The following GABRB1 variants were observed in gnomAD, a reference collection of about 807,000 sequenced individuals.
The protein encoded by GABRB1 is gamma-aminobutyric acid receptor subunit beta-1.
GABRB1 carries 17 observed loss-of-function variants against 51.6 expected under a neutral mutation model. The observed-to-expected ratio is 0.33, with a 90% CI of 0.23 to 0.49. The LOEUF is 0.49. Among genes scored for constraint, GABRB1 ranks in the 20% least tolerant of loss-of-function variants. The pLI, the probability that GABRB1 is intolerant of heterozygous loss-of-function variation, is 0.99. For synonymous variants in GABRB1, 247 were observed against 218.9 expected (o/e 1.13, Z -1.14); for missense variants, 410 against 600.6 (o/e 0.68, Z 3.32).
At chr4:47,327,012 G>T (rs772004341) in intron 5 of GABRB1, among the ~76,000 whole-genome samples, 1 of 152,160 alleles carries the variant, frequency 6.6e-6, no homozygotes, top group Non-Finnish European at 1.5e-5. Flanking sequence ...TGTAGTGAAT[G>T]TATGCTAAAT....
At chr4:47,383,628 G>C (rs1003201061) in intron 5 of GABRB1, among the ~76,000 whole-genome samples, 1 of 152,016 alleles carries the variant, frequency 6.6e-6, no homozygotes, top group Admixed American at 6.5e-5. Flanking sequence ...GTGAAGAATG[G>C]GTTCATATCA....
intron 1 of GABRB1, among the ~76,000 whole-genome samples, chr4:47,026,094 C>G (rs1725082967): frequency 6.6e-6 from 1 of 151,960 alleles, no homozygotes; most frequent in African/African-American, 2.4e-5. Context: ...GTGGGAGGAT[C>G]TCTTGAATTC....
chr4:47,286,426 T>C (rs1041616217), intron 4 of GABRB1, among the ~76,000 whole-genome samples: 5 of 152,162 alleles, frequency 3.3e-5, no homozygotes, highest in Non-Finnish European at 5.9e-5. Flanking sequence ...TGACTCTCCA[T>C]TGTCTGCAGG....
At chr4:47,164,674 G>A (rs765314353) in intron 4 of GABRB1, among the ~76,000 whole-genome samples, 1 of 151,964 alleles carries the variant, frequency 6.6e-6, no homozygotes, top group East Asian at 1.9e-4. Flanking sequence ...ATTCAAACTC[G>A]GTAAGCTCAA....
chr4:46,995,903 G>T (rs1206854424), intron 1 of GABRB1, among the ~76,000 whole-genome samples: 1 of 151,936 alleles, frequency 6.6e-6, no homozygotes, highest in African/African-American at 2.4e-5. Context: ...TTTGTTAATT[G>T]GGTTATAGTA....
At chr4:47,129,080 G>A (rs558345382) in intron 3 of GABRB1, among the ~76,000 whole-genome samples, 1 of 152,100 alleles carries the variant, frequency 6.6e-6, no homozygotes, top group Admixed American at 6.5e-5. Flanking sequence ...AGTGCTGCTG[G>A]GAATTTTTCC....
At chr4:46,994,980 A>G (rs1723941072) in intron 1 of GABRB1, among the ~76,000 whole-genome samples, 1 of 152,176 alleles carries the variant, frequency 6.6e-6, no homozygotes, top group Non-Finnish European at 1.5e-5. Context: ...CGTGGGCAGT[A>G]GCTAGAGCTC....
intron 5 of GABRB1, among the ~76,000 whole-genome samples, chr4:47,381,153 G>A (rs1219458646): frequency 6.6e-6 from 1 of 152,108 alleles, no homozygotes. Flanking sequence ...AGCTCTGGAG[G>A]TGACTACAGA....
intron 5 of GABRB1, among the ~76,000 whole-genome samples, chr4:47,328,924 A>C (rs1725357541): frequency 6.6e-6 from 1 of 152,122 alleles, no homozygotes; most frequent in Non-Finnish European, 1.5e-5. Flanking sequence ...TAATAAAAAA[A>C]AAAAAAGAAA....
intron 5 of GABRB1, among the ~76,000 whole-genome samples, chr4:47,334,187 A>G (rs1207626794): frequency 6.6e-6 from 1 of 152,198 alleles, no homozygotes. Flanking sequence ...CTGTTGGTTG[A>G]TGGACTCAAC....
At chr4:47,202,380 T>C (rs1310443257) in intron 4 of GABRB1, among the ~76,000 whole-genome samples, 17 of 152,286 alleles carry the variant, frequency 1.1e-4, no homozygotes, top group East Asian at 1.9e-4. Context: ...CTTTATAAAT[T>C]ACCCAGTCTC....
intron 3 of GABRB1, among the ~76,000 whole-genome samples, chr4:47,063,781 G>A (rs187221695): frequency 2.0e-5 from 3 of 152,220 alleles, no homozygotes; most frequent in East Asian, 3.9e-4. Flanking sequence ...AAACTAACAC[G>A]GGAACAGAAA....
intron 4 of GABRB1, among the ~76,000 whole-genome samples, chr4:47,215,043 G>T (rs532028700): frequency 5.3e-5 from 8 of 151,980 alleles, no homozygotes; most frequent in African/African-American, 1.4e-4. Flanking sequence ...CAGTAGTGTC[G>T]GTATGGCCAT....
intron 8 of GABRB1, 23 bp downstream of exon 8, chr4:47,406,949 C>A (rs775949181): frequency 3.5e-5 from 56 of 1,600,894 alleles, no homozygotes; most frequent in Non-Finnish European, 4.4e-5. Flanking sequence ...ATATTCCTAA[C>A]AATATTCTTG....
chr4:47,308,603 A>G (rs1440754524), intron 4 of GABRB1, among the ~76,000 whole-genome samples: 6 of 152,066 alleles, frequency 3.9e-5, no homozygotes, highest in African/African-American at 1.4e-4. Context: ...CCTTTCAGTA[A>G]ATGTGTCTGC....
At chr4:47,330,237 A>G (rs1472928059) in intron 5 of GABRB1, among the ~76,000 whole-genome samples, 1 of 152,180 alleles carries the variant, frequency 6.6e-6, no homozygotes, top group African/African-American at 2.4e-5. Flanking sequence ...TGCTTTATTC[A>G]GTCTACTGAT....
intron 5 of GABRB1, among the ~76,000 whole-genome samples, chr4:47,337,093 A>G (rs1725726859): frequency 6.6e-6 from 1 of 152,198 alleles, no homozygotes; most frequent in South Asian, 2.1e-4. Flanking sequence ...GTAAGATGAC[A>G]TAAGATTCAA....
intron 5 of GABRB1, among the ~76,000 whole-genome samples, chr4:47,334,865 G>C (rs1560338725): frequency 6.6e-6 from 1 of 152,142 alleles, no homozygotes; most frequent in Non-Finnish European, 1.5e-5. Flanking sequence ...CTCATGATGT[G>C]TTAAAGCTCT....
At chr4:47,019,624 T>A (rs1055681175) in intron 1 of GABRB1, among the ~76,000 whole-genome samples, 1 of 95,738 alleles carries the variant, frequency 1.0e-5, no homozygotes, top group Non-Finnish European at 2.1e-5. Flanking sequence ...TTTCTTTCTC[T>A]CTCTTTCTTT....
Sources: allele counts gnomAD v4.1 joint callset (sites outside exome capture counted in the v4.1 genomes callset), GRCh38; gene constraint gnomAD v4.1.1; transcripts MANE v1.5; gene names NCBI Gene and HGNC (gene_info 2026-07-23, HGNC 2026-07-21).